The following KCTD1 variants were observed in gnomAD, a reference collection of about 807,000 sequenced individuals.
KCTD1 encodes the protein BTB/POZ domain-containing protein KCTD1.
In KCTD1, 24 loss-of-function variants were observed where a neutral mutation model predicts 66.0. That is an observed-to-expected ratio of 0.36 (90% confidence interval 0.26 to 0.51). The LOEUF (loss-of-function observed/expected upper bound fraction) is 0.51, where lower values mean the gene tolerates loss of function less well. Ranked by LOEUF, KCTD1 falls within the 20% of genes least tolerant of loss-of-function variation. The pLI is 0.95. For synonymous variants in KCTD1, 511 were observed against 517.2 expected, an observed-to-expected ratio of 0.99 and a Z score of 0.16; for missense variants, 943 against 1,205.2, an observed-to-expected ratio of 0.78 and a Z score of 3.22.
intron 1 of KCTD1, among the ~76,000 whole-genome samples, chr18:26,605,068 G>A (rs1165841228): frequency 1.3e-5 from 2 of 152,072 alleles, no homozygotes; most frequent in Non-Finnish European, 2.9e-5. Context: ...AGGCAATAGG[G>A]TAGAGAAGGA....
At chr18:26,497,894 C>T (rs1195018460) in intron 2 of KCTD1, among the ~76,000 whole-genome samples, 1 of 152,084 alleles carries the variant, frequency 6.6e-6, no homozygotes, top group African/African-American at 2.4e-5. Flanking sequence ...TCCCCTGAGA[C>T]GGGAGTCATC....
intron 1 of KCTD1, among the ~76,000 whole-genome samples, chr18:26,517,678 A>G (rs796190867): frequency 6.6e-6 from 1 of 151,798 alleles, no homozygotes; most frequent in Non-Finnish European, 1.5e-5. Flanking sequence ...AAAAAAAAAA[A>G]AAAAAGGGTA....
chr18:26,558,705 C>T (rs955202118), intron 1 of KCTD1, among the ~76,000 whole-genome samples: 2 of 152,136 alleles, frequency 1.3e-5, no homozygotes, highest in East Asian at 1.9e-4. Flanking sequence ...TGGCGGATCA[C>T]GAGGTCAAGA....
intron 1 of KCTD1, among the ~76,000 whole-genome samples, chr18:26,598,645 C>T (rs1986823085): frequency 6.6e-6 from 1 of 152,180 alleles, no homozygotes; most frequent in South Asian, 2.1e-4. Flanking sequence ...TCTCCACATC[C>T]TAACCAACAC....
At chr18:26,538,045 G>A (rs1392661461) in intron 1 of KCTD1, among the ~76,000 whole-genome samples, 19 of 152,082 alleles carry the variant, frequency 1.2e-4, no homozygotes, top group Admixed American at 1.2e-3. Context: ...TCAGGAGTTT[G>A]AGACCAGCCT....
chr18:26,618,840 C>T (rs748113864), intron 1 of KCTD1, among the ~76,000 whole-genome samples: 6 of 152,178 alleles, frequency 3.9e-5, no homozygotes, highest in African/African-American at 9.7e-5. Context: ...GAAAACTATG[C>T]GTAGATGAAC....
chr18:26,637,080 T>C (rs543114426), intron 1 of KCTD1, among the ~76,000 whole-genome samples: 1 of 152,332 alleles, frequency 6.6e-6, no homozygotes, highest in South Asian at 2.1e-4. Context: ...TTCAGACCCC[T>C]CGTGTTTGTG....
In KCTD1 at chr18:26,617,849, AAGGG is replaced by A. The variant is rs56029109; in HGVS notation, c.-16+11294_-16+11297del. ...CAGAGGAAGAAGGAAGGAAGGAAGG[AAGGG>A]AGGGAGGGAGGGAGGGAGGGAGGGA... is the stretch of plus-strand genomic sequence containing the variant. On this transcript the variant is annotated intron_variant, in intron 1 of 4. Transcript: ENST00000317932. Among the ~76,000 whole-genome samples, 521 of 104,896 alleles carry A rather than the reference AAGGG, an allele frequency of 5.0e-3. 2 individuals carry two copies. Among genetic ancestry groups the A allele is most frequent in the African/African-American group, 0.016 (389 of 24,002 alleles). 68.8% of individuals were successfully genotyped at this position (104,896 alleles called of 152,430 possible). A position where few individuals can be genotyped will look rare whatever the true frequency, so the allele number is the denominator to read the frequency against.
chr18:26,549,522 G>T, upstream of KCTD1: 1 of 917,352 alleles, frequency 1.1e-6, no homozygotes, highest in Non-Finnish European at 1.3e-6. Flanking sequence ...GACCCCAGGG[G>T]CCACAGGGAC....
chr18:26,465,388 C>T (rs1980672665), intron 3 of KCTD1, among the ~76,000 whole-genome samples: 1 of 152,138 alleles, frequency 6.6e-6, no homozygotes, highest in South Asian at 2.1e-4. Flanking sequence ...CCGGCCCATT[C>T]TTTCTTTTCT....
chr18:26,568,473 G>A (rs553241286), intron 1 of KCTD1, among the ~76,000 whole-genome samples: 44 of 152,118 alleles, frequency 2.9e-4, no homozygotes, highest in Non-Finnish European at 4.9e-4. Context: ...CTGGGCTCAA[G>A]CAATCCACCC....
At chr18:26,598,766 A>G (rs1444049927) in intron 1 of KCTD1, among the ~76,000 whole-genome samples, 1 of 152,182 alleles carries the variant, frequency 6.6e-6, no homozygotes, top group African/African-American at 2.4e-5. Flanking sequence ...GCATCTTTTT[A>G]TGCGCTTATT....
intron 1 of KCTD1, among the ~76,000 whole-genome samples, chr18:26,568,451 G>A (rs542373541): frequency 2.0e-5 from 3 of 151,906 alleles, no homozygotes; most frequent in Admixed American, 1.3e-4. Context: ...TGCCCAGGCT[G>A]GTCTCGAACT....
At chr18:26,462,735 T>C (rs1980503478) in intron 3 of KCTD1, among the ~76,000 whole-genome samples, 1 of 152,228 alleles carries the variant, frequency 6.6e-6, no homozygotes, top group African/African-American at 2.4e-5. Context: ...GTCAGTCCCA[T>C]TGGCTACTGT....
At chr18:26,534,489 T>C (rs1179776061) in intron 1 of KCTD1, among the ~76,000 whole-genome samples, 1 of 152,172 alleles carries the variant, frequency 6.6e-6, no homozygotes, top group East Asian at 1.9e-4. Flanking sequence ...TTTTGTAATT[T>C]TTTTGGACCC....
intron 1 of KCTD1, among the ~76,000 whole-genome samples, chr18:26,561,019 GAATA>G: frequency 6.6e-6 from 1 of 152,244 alleles, no homozygotes; most frequent in South Asian, 2.1e-4. Flanking sequence ...GGCAGATGGT[GAATA>G]AATAAATTAT....
At chr18:26,519,493 GA>G (rs2144742627) in intron 1 of KCTD1, among the ~76,000 whole-genome samples, 1 of 152,310 alleles carries the variant, frequency 6.6e-6, no homozygotes, top group African/African-American at 2.4e-5. Flanking sequence ...TAGAAGTAAT[GA>G]AATGAAGTTA....
chr18:26,496,215 G>A (rs1982463232), intron 2 of KCTD1, among the ~76,000 whole-genome samples: 1 of 152,202 alleles, frequency 6.6e-6, no homozygotes, highest in Non-Finnish European at 1.5e-5. Context: ...CAGGGCAAGA[G>A]TGCGAGTGGA....
upstream of KCTD1, chr18:26,549,334 G>A: frequency 1.0e-6 from 1 of 985,460 alleles, no homozygotes; most frequent in South Asian, 4.7e-5. Flanking sequence ...CACGCCCCAC[G>A]TCAGCCACAT....
Sources: allele counts gnomAD v4.1 joint callset (sites outside exome capture counted in the v4.1 genomes callset), GRCh38; gene constraint gnomAD v4.1.1; transcripts MANE v1.5; gene names NCBI Gene and HGNC (gene_info 2026-07-23, HGNC 2026-07-21).